MAML3: variants seen among roughly 807,000 people sequenced by gnomAD.
MAML3 encodes the protein mastermind-like protein 3.
MAML3 carries 27 observed loss-of-function variants against 101.9 expected under a neutral mutation model. The observed-to-expected ratio is 0.27, with a 90% confidence interval of 0.20 to 0.37. MAML3 has a LOEUF of 0.37. Among genes scored for constraint, MAML3 ranks in the 10% least tolerant of loss-of-function variants. The probability of loss-of-function intolerance (pLI) is 1.00; values close to 1 mark genes in which losing one functional copy is unlikely to be tolerated. For missense variants in MAML3, 1,316 were observed against 1,444.9 expected (o/e 0.91, Z 1.45); for synonymous variants, 501 against 555.9 (o/e 0.90, Z 1.39).
chr4:139,917,517 G>A lies in MAML3; in HGVS notation c.469-26550C>T, dbSNP rs1045698709. The stretch of plus-strand genomic sequence containing the variant: ...TTGCTAGAGAAAGAGGAGAGTTGAG[G>A]AGGGGGAATGCCACAGCTCCTCTTG... On this transcript the variant is annotated intron_variant, in intron 1 of 4. Coordinates refer to ENST00000509479, the MANE Select transcript of MAML3 (RefSeq NM_018717.5). 2.6e-5 allele frequency among the ~76,000 whole-genome samples: 4 copies of A among 152,196 alleles called. 1 individual carries two copies. The highest frequency in any genetic ancestry group is 7.2e-5 in the African/African-American group (3 of 41,438).
chr4:140,002,942 T>A (rs1337992462), intron 1 of MAML3, among the ~76,000 whole-genome samples: 1 of 152,230 alleles, frequency 6.6e-6, no homozygotes, highest in Non-Finnish European at 1.5e-5. Context: ...GTTGGAACCA[T>A]GCCCACTACG....
intron 2 of MAML3, among the ~76,000 whole-genome samples, chr4:139,863,204 G>A (rs1289137628): frequency 1.3e-5 from 2 of 151,850 alleles, no homozygotes; most frequent in Non-Finnish European, 2.9e-5. Flanking sequence ...TGCTGTGAAG[G>A]TGGGAGTTGA....
At chr4:139,922,174 C>G (rs1430392634) in intron 1 of MAML3, among the ~76,000 whole-genome samples, 2 of 152,030 alleles carry the variant, frequency 1.3e-5, no homozygotes, top group Non-Finnish European at 2.9e-5. Flanking sequence ...TGGAAAGACA[C>G]CCGCCTGTCC....
chr4:139,817,343 G>A (rs1355038918), intron 2 of MAML3, among the ~76,000 whole-genome samples: 2 of 151,872 alleles, frequency 1.3e-5, no homozygotes, highest in South Asian at 2.1e-4. Flanking sequence ...TTTTTTTTCC[G>A]TGGCTTTCAT....
intron 1 of MAML3, among the ~76,000 whole-genome samples, chr4:140,017,999 A>G (rs1726670496): frequency 6.6e-6 from 1 of 152,026 alleles, no homozygotes; most frequent in African/African-American, 2.4e-5. Flanking sequence ...CTCAAAATAA[A>G]AAGGTTAATT....
intron 2 of MAML3, among the ~76,000 whole-genome samples, chr4:139,763,369 G>T (rs946387648): frequency 6.6e-6 from 1 of 152,208 alleles, no homozygotes; most frequent in African/African-American, 2.4e-5. Flanking sequence ...AATGAACAAG[G>T]CAGCTGCTCG....
At chr4:139,802,579 A>C (rs1730628301) in intron 2 of MAML3, among the ~76,000 whole-genome samples, 1 of 151,328 alleles carries the variant, frequency 6.6e-6, no homozygotes. Flanking sequence ...CCTATTTCTT[A>C]AAAAAAAAGA....
chr4:139,735,061 G>C lies in MAML3; in HGVS notation c.2080-4394C>G, dbSNP rs1383376639. Among the ~76,000 whole-genome samples, 1 of 152,136 alleles carries C rather than the reference G, an allele frequency of 6.6e-6. No individual in the cohort carries two copies. Among genetic ancestry groups the C allele is most frequent in the Non-Finnish European group, 1.5e-5 (1 of 67,996 alleles). On this transcript the variant is annotated intron_variant, in intron 2 of 4. Coordinates refer to ENST00000509479, the MANE Select transcript of MAML3 (RefSeq NM_018717.5). This position sits in a 1 kb window ranked among gnomAD's most constrained non-coding sequence, Gnocchi z 5.8. ...CGCAGATGGCTTAATCAGGGCTCCC[G>C]CCCGCCCCTCCGCGGCCCCCGCCCC...
intron 1 of MAML3, among the ~76,000 whole-genome samples, chr4:140,140,725 G>A (rs1277002010): frequency 6.6e-6 from 1 of 152,162 alleles, no homozygotes; most frequent in Admixed American, 6.5e-5. Flanking sequence ...TCCCACCCTT[G>A]GTTTATCTCT....
intron 2 of MAML3, among the ~76,000 whole-genome samples, chr4:139,813,401 A>G (rs1447941716): frequency 6.6e-6 from 1 of 152,186 alleles, no homozygotes; most frequent in Non-Finnish European, 1.5e-5. Flanking sequence ...AAATTTCAGA[A>G]AGCTAAAAAT....
chr4:140,143,414 T>C lies in MAML3; in HGVS notation c.468+9446A>G, dbSNP rs1578707189. Among the ~76,000 whole-genome samples, 8 of 152,296 alleles carry C rather than the reference T, an allele frequency of 5.3e-5. No homozygotes were observed. The South Asian group carries it at 1.7e-3, about 32-fold the overall frequency. The stretch of plus-strand genomic sequence containing the variant: ...CTAGCATTTGTGCAGCACCATAAGG[T>C]GTTCAGGACTTTTACGTATACTAAC... On this transcript the variant is annotated intron_variant, in intron 1 of 4. Transcript: ENST00000509479.
intron 1 of MAML3, among the ~76,000 whole-genome samples, chr4:140,104,942 GAGAT>G (rs1728326733): frequency 6.6e-6 from 1 of 152,084 alleles, no homozygotes; most frequent in African/African-American, 2.4e-5. Context: ...TCCTTCATCT[GAGAT>G]ATTAATTCAA....
intron 1 of MAML3, among the ~76,000 whole-genome samples, chr4:139,915,689 T>C (rs969487041): frequency 4.6e-5 from 7 of 152,126 alleles, no homozygotes. Flanking sequence ...CTAAGCAGCA[T>C]TGGCGGGGGG....
At chr4:139,853,543 A>G (rs1353649806) in intron 2 of MAML3, among the ~76,000 whole-genome samples, 1 of 152,106 alleles carries the variant, frequency 6.6e-6, no homozygotes, top group Non-Finnish European at 1.5e-5. Context: ...AGAACACAAA[A>G]GCCTCTTCAG....
At chr4:139,864,640 C>A (rs1363096981) in intron 2 of MAML3, among the ~76,000 whole-genome samples, 1 of 141,922 alleles carries the variant, frequency 7.0e-6, no homozygotes, top group Non-Finnish European at 1.5e-5. Context: ...CGCGTCACTG[C>A]CCTCCAGCCT....
At chr4:139,754,255 G>A (rs769752588) in intron 2 of MAML3, among the ~76,000 whole-genome samples, 4 of 152,068 alleles carry the variant, frequency 2.6e-5, no homozygotes, top group Non-Finnish European at 4.4e-5. Context: ...TTAATCACAT[G>A]TTTATGTTCT....
intron 2 of MAML3, among the ~76,000 whole-genome samples, chr4:139,814,119 C>T (rs576303868): frequency 7.9e-5 from 12 of 151,596 alleles, no homozygotes; most frequent in East Asian, 7.8e-4. Context: ...GAAGAGGAAG[C>T]GTATCTGAGA....
At chr4:139,975,830 T>C (rs1734329544) in intron 1 of MAML3, among the ~76,000 whole-genome samples, 1 of 152,154 alleles carries the variant, frequency 6.6e-6, no homozygotes, top group Admixed American at 6.5e-5. Flanking sequence ...AGGAGCTGAC[T>C]AGGAGAGACT....
chr4:139,911,096 A>G (rs1396058463), intron 1 of MAML3, among the ~76,000 whole-genome samples: 1 of 152,204 alleles, frequency 6.6e-6, no homozygotes, highest in Non-Finnish European at 1.5e-5. Flanking sequence ...TTCTGTCTCT[A>G]TGAATTTAAC....
Sources: gnomAD v4.1 joint callset for allele counts (sites outside exome capture counted in the v4.1 genomes callset) on GRCh38, gnomAD v4.1.1 for gene constraint, Gnocchi (gnomAD v3.1) non-coding constraint, MANE v1.5 for transcripts, NCBI Gene and HGNC (gene_info 2026-07-23, HGNC 2026-07-21) for gene names.